The following PCDHGB1 variants were observed in gnomAD, a reference collection of about 807,000 sequenced individuals.
The protein encoded by PCDHGB1 is protocadherin gamma subfamily B, 1, also known as protocadherin gamma-B1.
Under a neutral mutation model 56.6 loss-of-function variants are expected in PCDHGB1, and 34 were observed. That is an observed-to-expected ratio of 0.60 (90% CI 0.46 to 0.80). PCDHGB1 has a LOEUF of 0.80. Ranked by LOEUF, PCDHGB1 falls within the 30% of genes least tolerant of loss-of-function variation. PCDHGB1 has a pLI of 0.00. For missense variants in PCDHGB1, 1,278 were observed against 1,204.6 expected (o/e 1.06, Z -0.90); for synonymous variants, 561 against 505.9 (o/e 1.11, Z -1.46).
rs922042985 is a variant in PCDHGB1, at chr5:141,415,768, T to G, written c.2409+63099T>G. 1.6e-5 allele frequency: 22 copies of G among 1,345,224 alleles called. No homozygotes were observed. The African/African-American group carries it at 3.6e-4, about 22-fold the overall frequency. The allele number at this position is 1,345,224 out of a possible 1,614,324, so 83.3% of individuals were successfully genotyped here. ...TTTTTTTTTTTTTTTTTTTTTTTTT[T>G]TTTTACTTTCTGGTAAAATTCACCT... is the stretch of plus-strand genomic sequence containing the variant. On this transcript the variant is annotated intron_variant, in intron 1 of 3. Coordinates refer to ENST00000523390, the MANE Select transcript of PCDHGB1 (RefSeq NM_018922.3).
chr5:141,448,118 G>A (rs1356488538), intron 1 of PCDHGB1, among the ~76,000 whole-genome samples: 1 of 151,534 alleles, frequency 6.6e-6, no homozygotes, highest in East Asian at 1.9e-4. Flanking sequence ...AAGAAAATTA[G>A]CCTCCCCCAC....
intron 1 of PCDHGB1, chr5:141,399,845 T>G: frequency 6.2e-7 from 1 of 1,612,982 alleles, no homozygotes; most frequent in Non-Finnish European, 8.5e-7. Context: ...CTCTTCGATA[T>G]GGTGCCGCGC....
rs1226359801 is a variant in PCDHGB1, at chr5:141,388,320, G to A, written c.2409+35651G>A. On this transcript the variant is annotated intron_variant, in intron 1 of 3. Coordinates refer to ENST00000523390, the MANE Select transcript of PCDHGB1 (RefSeq NM_018922.3). ...CTTTGAGCTGCAAATAAGTGAGTCT[G>A]CACAGCCTGGCACACGATTTATATT... is the stretch of plus-strand genomic sequence containing the variant. 9.3e-6 allele frequency: 15 copies of A among 1,613,768 alleles called. 1 individual carries two copies. The Admixed American group carries it at 2.5e-4, about 27-fold the overall frequency.
chr5:141,410,524 T>A, intron 1 of PCDHGB1: 1 of 1,613,954 alleles, frequency 6.2e-7, no homozygotes. Context: ...TGCCCCTACA[T>A]TCCAATGAAG....
chr5:141,481,842 T>C (rs1402237517), intron 1 of PCDHGB1, among the ~76,000 whole-genome samples: 1 of 144,038 alleles, frequency 6.9e-6, no homozygotes, highest in Non-Finnish European at 1.5e-5. Flanking sequence ...AATCGCTTGA[T>C]GGTGGAGGTT....
intron 1 of PCDHGB1, chr5:141,376,094 A>T: frequency 6.2e-7 from 1 of 1,613,544 alleles, no homozygotes. Flanking sequence ...GATCCCCGAC[A>T]TCCTGGCCGA....
At chr5:141,393,619 C>G (rs768350628) in intron 1 of PCDHGB1, 2 of 1,613,826 alleles carry the variant, frequency 1.2e-6, no homozygotes, top group Non-Finnish European at 1.7e-6. Flanking sequence ...GCCAGCGACC[C>G]GGATGAGGGA....
chr5:141,399,639 C>A lies in PCDHGB1; in HGVS notation c.2409+46970C>A, dbSNP rs1405309490. On this transcript the variant is annotated intron_variant, in intron 1 of 3. Transcript: ENST00000523390. ...CACTGGCCTCTTACGTGTCCATGAG[C>A]GCGCAAAGTGGGGTGGTGTTCGCGC... 5 of 1,613,858 alleles carry A rather than the reference C, an allele frequency of 3.1e-6. No individual in the cohort carries two copies. The highest frequency in any genetic ancestry group is 3.4e-6 in the Non-Finnish European group (4 of 1,179,886).
intron 1 of PCDHGB1, among the ~76,000 whole-genome samples, chr5:141,456,918 G>A (rs535602842): frequency 6.6e-6 from 1 of 152,006 alleles, no homozygotes; most frequent in African/African-American, 2.4e-5. Context: ...AGCCGAGATC[G>A]CACCACTGCA....
chr5:141,356,648 A>G (rs1328891530), intron 1 of PCDHGB1: 2 of 1,613,954 alleles, frequency 1.2e-6, no homozygotes, highest in East Asian at 2.2e-5. Context: ...GACAGTGGTG[A>G]CAATGCCCGA....
chr5:141,430,938 C>A, intron 1 of PCDHGB1: 1 of 1,607,082 alleles, frequency 6.2e-7, no homozygotes, highest in Non-Finnish European at 8.5e-7. Context: ...CGGGAGCTCG[C>A]GGAGCGCGGA....
chr5:141,423,141 G>C, intron 1 of PCDHGB1: 1 of 1,613,580 alleles, frequency 6.2e-7, no homozygotes, highest in Non-Finnish European at 8.5e-7. Flanking sequence ...ACAGAGACGC[G>C]CTCAAGCAGA....
chr5:141,499,486 C>T (rs569172977), intron 2 of PCDHGB1, among the ~76,000 whole-genome samples: 3 of 152,284 alleles, frequency 2.0e-5, no homozygotes, highest in East Asian at 1.9e-4. Context: ...CCACCAACTA[C>T]AGTTTAATAT....
rs1763351021 is a variant in PCDHGB1, at chr5:141,364,473, T to C, written c.2409+11804T>C. On this transcript the variant is annotated intron_variant, in intron 1 of 3. Transcript: ENST00000523390. ...GACAAAGGCTCCTTCGTCGGCAACA[T>C]AGCCAAGGACCTTGGGCTGGAGCCC... 2.5e-6 allele frequency: 4 copies of C among 1,613,868 alleles called. No homozygotes were observed. The highest frequency in any genetic ancestry group is 2.5e-6 in the Non-Finnish European group (3 of 1,179,886).
In PCDHGB1 at chr5:141,476,012, T is replaced by C. The variant is rs2099383969; in HGVS notation, c.2410-18795T>C. The stretch of plus-strand genomic sequence containing the variant: ...CAAATCAACGGCATCCAGAAAGCCA[T>C]GTCGGACTCGGCGCCCAGCGCCCAA... On this transcript the variant is annotated intron_variant, in intron 1 of 3. Coordinates refer to ENST00000523390, the MANE Select transcript of PCDHGB1 (RefSeq NM_018922.3). This position sits in a 1 kb window ranked among gnomAD's most constrained non-coding sequence, Gnocchi z 7.6. 7.6e-7 allele frequency: 1 copy of C among 1,317,178 alleles called. No individual in the cohort carries two copies. The highest frequency in any genetic ancestry group is 1.4e-5 in the South Asian group (1 of 69,696). The allele number at this position is 1,317,178 out of a possible 1,614,324, so 81.6% of individuals were successfully genotyped here. A position where few individuals can be genotyped will look rare whatever the true frequency, so the allele number is the denominator to read the frequency against.
At position 141,431,549 on chromosome 5, in the gene PCDHGB1, G is replaced by A. The variant is rs750427346; in HGVS notation, c.2410-63258G>A. ...GGCCTTGGGCACGCAGCTGCTTGTA[G>A]TCAACGCTACCGACCCTGACGAAGG... On this transcript the variant is annotated intron_variant, in intron 1 of 3. Coordinates refer to ENST00000523390, the MANE Select transcript of PCDHGB1 (RefSeq NM_018922.3). This position sits in a 1 kb window ranked among gnomAD's most constrained non-coding sequence, Gnocchi z 4.8. The A allele has an allele frequency of 6.2e-7, 1 of 1,614,156 alleles. No homozygotes were observed. Among genetic ancestry groups the A allele is most frequent in the South Asian group, 1.1e-5 (1 of 91,090 alleles).
chr5:141,379,819 A>T (rs1775847622), intron 1 of PCDHGB1, among the ~76,000 whole-genome samples: 1 of 150,144 alleles, frequency 6.7e-6, no homozygotes, highest in African/African-American at 2.4e-5. Context: ...TCAGTATAGA[A>T]TTTTGAAGCA....
At chr5:141,464,556 G>A (rs1158827360) in intron 1 of PCDHGB1, among the ~76,000 whole-genome samples, 4 of 151,990 alleles carry the variant, frequency 2.6e-5, no homozygotes, top group Admixed American at 6.6e-5. Flanking sequence ...TCCCCATCTT[G>A]CATTCCTACA....
chr5:141,375,914 G>A, intron 1 of PCDHGB1: 1 of 1,613,738 alleles, frequency 6.2e-7, no homozygotes, highest in Non-Finnish European at 8.5e-7. Context: ...CCTGCTCAAG[G>A]CCAGCGAGCC....
Sources: allele counts gnomAD v4.1 joint callset (sites outside exome capture counted in the v4.1 genomes callset), GRCh38; gene constraint gnomAD v4.1.1; non-coding constraint Gnocchi (gnomAD v3.1); transcripts MANE v1.5; gene names NCBI Gene and HGNC (gene_info 2026-07-23, HGNC 2026-07-21).